ALKBH3: variants seen among roughly 807,000 people sequenced by gnomAD.
The protein encoded by ALKBH3 is alkB homolog 3, alpha-ketoglutarate dependent dioxygenase.
In ALKBH3, 51 loss-of-function variants were observed where a neutral mutation model predicts 43.9. The observed-to-expected ratio is 1.16, with a 90% CI of 0.93 to 1.47. The LOEUF (loss-of-function observed/expected upper bound fraction) is 1.47. ALKBH3 is among the 40% of genes most tolerant of loss of function. The pLI is 0.00. For synonymous variants in ALKBH3, 102 were observed against 115.2 expected (o/e 0.89, Z 0.73); for missense variants, 361 against 351.9 (o/e 1.03, Z -0.21).
At chr11:43,882,828 A>G (rs1951721247) in intron 2 of ALKBH3, 97 bp downstream of exon 2, 5 of 1,287,560 alleles carry the variant, frequency 3.9e-6, no homozygotes, top group Middle Eastern at 1.9e-4. Context: ...TTCCATTTCA[A>G]TTGACGTCAA....
chr11:43,883,402 C>T (rs1478246127), intron 3 of ALKBH3, among the ~76,000 whole-genome samples: 6 of 152,118 alleles, frequency 3.9e-5, no homozygotes, highest in African/African-American at 1.2e-4. Context: ...ATGTTATTCC[C>T]GTATTTTTGG....
chr11:43,898,864 G>A, intron 7 of ALKBH3: 1 of 761,858 alleles, frequency 1.3e-6, no homozygotes, highest in South Asian at 1.4e-5. Flanking sequence ...GGATTACATT[G>A]ATAGATTATT....
intron 4 of ALKBH3, 57 bp from the exon 5 acceptor site, chr11:43,886,549 G>A: frequency 1.3e-6 from 2 of 1,556,774 alleles, no homozygotes; most frequent in Non-Finnish European, 1.8e-6. Flanking sequence ...CTCTTCCACT[G>A]GGTATAGCAT....
intron 6 of ALKBH3, among the ~76,000 whole-genome samples, chr11:43,890,941 A>G (rs560298128): frequency 2.0e-5 from 3 of 152,338 alleles, no homozygotes; most frequent in African/African-American, 7.2e-5. Context: ...TCATCTCTAG[A>G]TCACTTATAA....
At chr11:43,898,140 C>A in intron 7 of ALKBH3, 1 of 1,197,072 alleles carries the variant, frequency 8.4e-7, no homozygotes, top group South Asian at 1.2e-5. Context: ...TCCCTGATAA[C>A]AAACTAGATG....
intron 7 of ALKBH3, among the ~76,000 whole-genome samples, chr11:43,896,376 G>A (rs984139705): frequency 3.3e-5 from 5 of 152,072 alleles, no homozygotes; most frequent in South Asian, 2.1e-4. Context: ...TCTGCAAGCC[G>A]AGGAGCAAGG....
intron 7 of ALKBH3, chr11:43,897,541 C>T (rs968879971): frequency 2.1e-5 from 16 of 774,504 alleles, no homozygotes; most frequent in African/African-American, 5.1e-5. Context: ...AGGTTCCCTA[C>T]GTGTCCTTTG....
intron 2 of ALKBH3, 95 bp from the exon 3 acceptor site, chr11:43,882,990 A>G: frequency 1.0e-6 from 1 of 998,896 alleles, no homozygotes; most frequent in Non-Finnish European, 1.5e-6. Flanking sequence ...TGTCATAGAG[A>G]TCATCTCCAA....
intron 7 of ALKBH3, 48 bp from the exon 8 acceptor site, chr11:43,901,468 T>C (rs1460039147): frequency 1.2e-6 from 2 of 1,601,136 alleles, no homozygotes; most frequent in Non-Finnish European, 8.5e-7. Context: ...GCTGTCATTT[T>C]GTGTGTAATG....
At chr11:43,898,969 A>T in intron 7 of ALKBH3, 1 of 751,770 alleles carries the variant, frequency 1.3e-6, no homozygotes. Flanking sequence ...CTGGAGAATG[A>T]AGACCTCAAG....
At position 43,897,628 on chromosome 11, in the gene ALKBH3, G is replaced by A. The variant is rs1239542231; in HGVS notation, c.460-3888G>A. 4.8e-5 allele frequency: 43 copies of A among 886,636 alleles called. 1 individual carries two copies. Among genetic ancestry groups the A allele is most frequent in the South Asian group, 2.3e-4 (18 of 76,694 alleles). The allele number at this position is 886,636 out of a possible 1,614,324, so 54.9% of individuals were successfully genotyped here. On this transcript the variant is annotated intron_variant, in intron 7 of 9. Transcript: ENST00000302708. ...GGGGCTGTTCATGTCATTGAAAGGC[G>A]CTGCAAGCTGGATGTAGATGCACCA...
chr11:43,913,113 A>C (rs1000732270), intron 8 of ALKBH3, among the ~76,000 whole-genome samples: 1 of 152,118 alleles, frequency 6.6e-6, no homozygotes, highest in Non-Finnish European at 1.5e-5. Flanking sequence ...TGTTAAAAAA[A>C]AAAAAAAAAC....
intron 8 of ALKBH3, among the ~76,000 whole-genome samples, chr11:43,908,540 A>G (rs1215483095): frequency 6.6e-6 from 1 of 152,182 alleles, no homozygotes; most frequent in Non-Finnish European, 1.5e-5. Context: ...CTTTCAAGAT[A>G]GCAGTTCTTT....
rs192273065 is a variant in ALKBH3 at position 43,894,594 on chromosome 11, C to A, written c.459+2465C>A. 5.5e-3 allele frequency among the ~76,000 whole-genome samples: 831 copies of A among 152,264 alleles called. 6 individuals are homozygous for A. Among genetic ancestry groups the A allele is most frequent in the Middle Eastern group, 0.017 (5 of 294 alleles). ...AAACATAACACAAACTTTATGCTAT[C>A]TCAGTATTCAGTCCCTGAGCAAGTC... On this transcript the variant is annotated intron_variant, in intron 7 of 9. Transcript: ENST00000302708.
intron 8 of ALKBH3, among the ~76,000 whole-genome samples, chr11:43,910,938 C>G (rs1036799364): frequency 1.3e-5 from 2 of 152,188 alleles, no homozygotes; most frequent in Non-Finnish European, 2.9e-5. Flanking sequence ...ATTAATTAAA[C>G]CCCTACTATG....
intron 8 of ALKBH3, among the ~76,000 whole-genome samples, chr11:43,913,425 G>A (rs1390170070): frequency 6.6e-6 from 1 of 151,944 alleles, no homozygotes. Context: ...AGTGATAATG[G>A]CCTCTAAGAT....
At chr11:43,897,658 T>C in intron 7 of ALKBH3, 1 of 894,480 alleles carries the variant, frequency 1.1e-6, no homozygotes, top group Non-Finnish European at 1.9e-6. Flanking sequence ...GCACCAAGAC[T>C]GCTGAAGAAG....
intron 7 of ALKBH3, 60 bp from the exon 8 acceptor site, chr11:43,901,456 C>T (rs1478552940): frequency 1.5e-5 from 24 of 1,587,292 alleles, no homozygotes; most frequent in East Asian, 6.7e-5. Context: ...TTTTTCCATG[C>T]GGCTGTCATT....
At position 43,920,031 on chromosome 11, in the gene ALKBH3, A is replaced by G; in HGVS notation, c.*21A>G. Reference sequence around the variant, plus strand: ...GGTGACGTCAGAGCTTTGAGAGAGAAGCTTCACTGAAACGGAGCAAACCTT... The same window carrying G: ...GGTGACGTCAGAGCTTTGAGAGAGAGGCTTCACTGAAACGGAGCAAACCTT... On this transcript the variant is annotated 3_prime_UTR_variant, in exon 10 of 10. Coordinates refer to ENST00000302708, the MANE Select transcript of ALKBH3 (RefSeq NM_139178.4). 6.2e-7 allele frequency: 1 copy of G among 1,600,622 alleles called. No individual in the cohort carries two copies.
Sources: allele counts gnomAD v4.1 joint callset (sites outside exome capture counted in the v4.1 genomes callset), GRCh38; gene constraint gnomAD v4.1.1; transcripts MANE v1.5; gene names NCBI Gene and HGNC (gene_info 2026-07-23, HGNC 2026-07-21).